The following WNT3A variants were observed in gnomAD, a reference collection of about 807,000 sequenced individuals.
The protein encoded by WNT3A is protein Wnt-3a.
In WNT3A, 17 loss-of-function variants were observed where a neutral mutation model predicts 37.0. The observed-to-expected ratio is 0.46, with a 90% confidence interval of 0.31 to 0.69. WNT3A has a LOEUF of 0.69. Ranked by LOEUF, WNT3A falls within the 30% of genes least tolerant of loss-of-function variation. WNT3A has a pLI of 0.05. For synonymous variants in WNT3A, 187 were observed against 211.0 expected, an observed-to-expected ratio of 0.89 and a Z score of 0.99; for missense variants, 411 against 510.2, an observed-to-expected ratio of 0.81 and a Z score of 1.87.
At chr1:228,020,249 C>A (rs1242775602) in intron 1 of WNT3A, among the ~76,000 whole-genome samples, 1 of 152,242 alleles carries the variant, frequency 6.6e-6, no homozygotes, top group African/African-American at 2.4e-5. Flanking sequence ...GAAGCCCCTG[C>A]AGTCCTGGGC....
intron 1 of WNT3A, among the ~76,000 whole-genome samples, chr1:228,018,103 A>T (rs2030584606): frequency 6.6e-6 from 1 of 152,144 alleles, no homozygotes; most frequent in Non-Finnish European, 1.5e-5. Context: ...GCACCCTGAG[A>T]ACTTGCGCTG....
At position 228,037,294 on chromosome 1, in the gene WNT3A, C is replaced by T. The variant is rs1375571232; in HGVS notation, c.314-13362C>T. On this transcript the variant is annotated intron_variant, in intron 2 of 3. Coordinates refer to ENST00000284523, the MANE Select transcript of WNT3A (RefSeq NM_033131.4). This position sits in a 1 kb window ranked among gnomAD's most constrained non-coding sequence, Gnocchi z 4.1. Reference sequence around the variant, plus strand: ...CCAGGGTATCCCCACTCAAAGCACACGGCCAGATTCCTGGTTGGTGCCCCA... The same window carrying T: ...CCAGGGTATCCCCACTCAAAGCACATGGCCAGATTCCTGGTTGGTGCCCCA... Among the ~76,000 whole-genome samples, 1 of 152,230 alleles carries T rather than the reference C, an allele frequency of 6.6e-6. No individual in the cohort carries two copies. The highest frequency in any genetic ancestry group is 1.9e-4 in the East Asian group (1 of 5,156).
Position 228,060,274 on chromosome 1 carries a change from A to AC in WNT3A, c.*813dup, listed in dbSNP as rs759935619. The AC allele has an allele frequency of 7.4e-7, 1 of 1,350,290 alleles. No homozygotes were observed. Among genetic ancestry groups the AC allele is most frequent in the Non-Finnish European group, 9.8e-7 (1 of 1,020,986 alleles). The allele number at this position is 1,350,290 out of a possible 1,614,324, so 83.6% of individuals were successfully genotyped here. ...CCCAACCCCCTGTAAGGTTCCATCC[A>AC]CCCCTGCGTCGAGCTGGGAAGGTTC... On this transcript the variant is annotated 3_prime_UTR_variant, in exon 4 of 4. Transcript: ENST00000284523.
At chr1:228,015,719 C>T (rs1054251150) in intron 1 of WNT3A, among the ~76,000 whole-genome samples, 11 of 151,280 alleles carry the variant, frequency 7.3e-5, no homozygotes, top group African/African-American at 2.2e-4. Flanking sequence ...CCCCCACCCC[C>T]GCCGCCCAAG....
In WNT3A at chr1:228,007,128, G is replaced by C. The variant is rs780576483; in HGVS notation, c.-1G>C. ...GGCCCTCCGCGCCCTCTCGCGCGGC[G>C]ATGGCCCCACTCGGATACTTCTTAC... On this transcript the variant is annotated 5_prime_UTR_variant, in exon 1 of 4. Transcript: ENST00000284523. This position sits in a 1 kb window ranked among gnomAD's most constrained non-coding sequence, Gnocchi z 6.0. The C allele has an allele frequency of 6.3e-7, 1 of 1,577,962 alleles. No homozygotes were observed. Among genetic ancestry groups the C allele is most frequent in the Non-Finnish European group, 8.6e-7 (1 of 1,163,938 alleles).
rs1159606768 is a variant in WNT3A at position 228,059,885 on chromosome 1, C to A, written c.*420C>A. 5.7e-6 allele frequency: 6 copies of A among 1,046,590 alleles called. No individual in the cohort carries two copies. Among genetic ancestry groups the A allele is most frequent in the African/African-American group, 1.7e-5 (1 of 57,322 alleles). The allele number at this position is 1,046,590 out of a possible 1,614,324, so 64.8% of individuals were successfully genotyped here. On this transcript the variant is annotated 3_prime_UTR_variant, in exon 4 of 4. Transcript: ENST00000284523. Reference sequence around the variant, plus strand: ...CACTAGGTAGGCTTCTACCTGCAGGCGGGGCTCCTCCTGAAGGAGGCGGGG... The same window carrying A: ...CACTAGGTAGGCTTCTACCTGCAGGAGGGGCTCCTCCTGAAGGAGGCGGGG...
At chr1:228,014,709 C>T (rs992090004) in intron 1 of WNT3A, among the ~76,000 whole-genome samples, 1 of 152,254 alleles carries the variant, frequency 6.6e-6, no homozygotes, top group Non-Finnish European at 1.5e-5. Flanking sequence ...GGGAGGCCAG[C>T]GTGGCCCGGA....
chr1:228,055,069 G>A (rs1276398059), intron 3 of WNT3A, among the ~76,000 whole-genome samples: 2 of 148,278 alleles, frequency 1.3e-5, no homozygotes, highest in Non-Finnish European at 3.0e-5. Flanking sequence ...AGGAGGCGGA[G>A]GTTGTGGTGA....
chr1:228,023,064 G>A (rs2030759971), intron 2 of WNT3A, among the ~76,000 whole-genome samples, 156 bp downstream of exon 2: 1 of 152,222 alleles, frequency 6.6e-6, no homozygotes. Flanking sequence ...GACGGTCTGG[G>A]GCTGAAGCAG....
chr1:228,027,433 C>A (rs184309329), intron 2 of WNT3A, among the ~76,000 whole-genome samples: 1 of 152,320 alleles, frequency 6.6e-6, no homozygotes, highest in East Asian at 1.9e-4. Flanking sequence ...TCCATACCAA[C>A]ATCTATTATT....
In WNT3A at chr1:228,059,577, G is replaced by C; in HGVS notation, c.*112G>C. 7.2e-7 allele frequency: 1 copy of C among 1,395,126 alleles called. No individual in the cohort carries two copies. Among genetic ancestry groups the C allele is most frequent in the African/African-American group, 1.5e-5 (1 of 66,108 alleles). The allele number at this position is 1,395,126 out of a possible 1,614,324, so 86.4% of individuals were successfully genotyped here. ...GGGCAGTACTCCTCCCTGGGGGCGG[G>C]ACTCCTCCCTGGGGGTGGGGCTCCT... On this transcript the variant is annotated 3_prime_UTR_variant, in exon 4 of 4. Transcript: ENST00000284523.
chr1:228,057,408 G>A (rs1318958453), intron 3 of WNT3A, among the ~76,000 whole-genome samples: 1 of 152,184 alleles, frequency 6.6e-6, no homozygotes, highest in Non-Finnish European at 1.5e-5. Flanking sequence ...ATTGCAAGGG[G>A]CTGCATGTAG....
Position 228,042,167 on chromosome 1 carries a change from C to T in WNT3A, c.314-8489C>T, listed in dbSNP as rs551340682. ...CTGATTTTTGTATTTTTAGTAGAGA[C>T]GGGGTTTCACCATGTTGGCCAGGAT... On this transcript the variant is annotated intron_variant, in intron 2 of 3. Coordinates refer to ENST00000284523, the MANE Select transcript of WNT3A (RefSeq NM_033131.4). This position sits in a 1 kb window ranked among gnomAD's most constrained non-coding sequence, Gnocchi z 5.2. Among the ~76,000 whole-genome samples, 65 of 152,180 alleles carry T rather than the reference C, an allele frequency of 4.3e-4. No homozygotes were observed. The South Asian group carries it at 0.012, about 27-fold the overall frequency.
chr1:228,028,946 A>T (rs890838945), intron 2 of WNT3A, among the ~76,000 whole-genome samples: 2 of 152,150 alleles, frequency 1.3e-5, no homozygotes, highest in Non-Finnish European at 2.9e-5. Context: ...GTTCTGAGTT[A>T]GGCAAAACGA....
chr1:228,045,765 A>T (rs1022662041), intron 2 of WNT3A, among the ~76,000 whole-genome samples: 1 of 152,070 alleles, frequency 6.6e-6, no homozygotes, highest in Non-Finnish European at 1.5e-5. Context: ...GAAACAGCGG[A>T]GGTTGCATGA....
chr1:228,013,979 C>T (rs1025351054), intron 1 of WNT3A, among the ~76,000 whole-genome samples: 4 of 152,232 alleles, frequency 2.6e-5, no homozygotes, highest in African/African-American at 9.6e-5. Flanking sequence ...GAGACACCCA[C>T]CTGCCCTGGT....
chr1:228,032,052 G>A (rs902207920), intron 2 of WNT3A, among the ~76,000 whole-genome samples: 1 of 152,172 alleles, frequency 6.6e-6, no homozygotes, highest in South Asian at 2.1e-4. Flanking sequence ...CTACCCTCGG[G>A]AATCTTTAGG....
Position 228,050,831 on chromosome 1 carries a change from G to T in WNT3A, c.489G>T (p.Gly163=). Reference sequence around the variant, plus strand: ...GTAGCGAGGACATCGAGTTTGGTGGGATGGTGTCTCGGGAGTTCGCCGACG... The same window carrying T: ...GTAGCGAGGACATCGAGTTTGGTGGTATGGTGTCTCGGGAGTTCGCCGACG... ...GGCSEDIEFG[G]MVSREFADAR... The change falls in exon 3 of 4, where the codon GGG becomes GGT. Residue 163 remains glycine (G), a synonymous_variant. Transcript: ENST00000284523. This position sits in a 1 kb window ranked among gnomAD's most constrained non-coding sequence, Gnocchi z 5.0. The T allele has an allele frequency of 6.2e-7, 1 of 1,611,466 alleles. No individual in the cohort carries two copies. The highest frequency in any genetic ancestry group is 1.3e-5 in the African/African-American group (1 of 74,966).
chr1:228,060,173 C>T lies in WNT3A; in HGVS notation c.*708C>T, dbSNP rs1033612076. 3 of 1,351,206 alleles carry T rather than the reference C, an allele frequency of 2.2e-6. No individual in the cohort carries two copies. The African/African-American group carries it at 4.4e-5, about 20-fold the overall frequency. The allele number at this position is 1,351,206 out of a possible 1,614,324, so 83.7% of individuals were successfully genotyped here. ...GGGTGGGACTCTTCCCTGGGAACCG[C>T]CCTCCTGATTAAGGCGTGGCTTCTG... On this transcript the variant is annotated 3_prime_UTR_variant, in exon 4 of 4. Transcript: ENST00000284523.
Sources: allele counts gnomAD v4.1 joint callset (sites outside exome capture counted in the v4.1 genomes callset), GRCh38; gene constraint gnomAD v4.1.1; non-coding constraint Gnocchi (gnomAD v3.1); transcripts MANE v1.5; gene names NCBI Gene and HGNC (gene_info 2026-07-23, HGNC 2026-07-21).